Variants in ZNF518A observed in about 807,000 individuals in gnomAD.
The protein encoded by ZNF518A is zinc finger protein 518.
In ZNF518A, 47 loss-of-function variants were observed where a neutral mutation model predicts 102.7. That is an observed-to-expected ratio of 0.46 (90% CI 0.36 to 0.58). The LOEUF is 0.58. Ranked by LOEUF, ZNF518A falls within the 20% of genes least tolerant of loss-of-function variation. The probability of loss-of-function intolerance (pLI) is 0.00; values close to 1 mark genes in which losing one functional copy is unlikely to be tolerated. For missense variants in ZNF518A, 1,793 were observed against 1,699.8 expected, an observed-to-expected ratio of 1.05 and a Z score of -0.96; for synonymous variants, 652 against 594.6, an observed-to-expected ratio of 1.10 and a Z score of -1.40.
At chr10:96,146,007 T>C (rs782606546) in intron 3 of ZNF518A, among the ~76,000 whole-genome samples, 14 of 152,214 alleles carry the variant, frequency 9.2e-5, no homozygotes, top group Non-Finnish European at 1.9e-4. Context: ...GTATGTGTAT[T>C]CTTCTTGACT....
chr10:96,158,519 C>G lies in ZNF518A; in HGVS notation c.2197C>G (p.Leu733Val). ...AGGACAAAACATTGATGGACAAAAC[C>G]TGTACAGTAATGAAAATCAAAATTT... ...EKGQNIDGQNLYSNENQNLEC... is the reference protein window; with the variant it reads ...EKGQNIDGQNVYSNENQNLEC... The change falls in exon 6 of 6, where the codon CTG (leucine) becomes GTG (valine). Residue 733 changes from leucine to valine, a missense_variant. Transcript: ENST00000316045. 1 of 1,612,654 alleles carries G rather than the reference C, an allele frequency of 6.2e-7. No individual in the cohort carries two copies. Among genetic ancestry groups the G allele is most frequent in the Non-Finnish European group, 8.5e-7 (1 of 1,179,490 alleles).
chr10:96,192,050 T>G, intron 1 of ZNF518A: 1 of 1,613,736 alleles, frequency 6.2e-7, no homozygotes, highest in Non-Finnish European at 8.5e-7. Context: ...ACCAAAGGAC[T>G]ATGTTGATGA....
chr10:96,170,965 G>T (rs1591272536), intron 1 of ZNF518A, among the ~76,000 whole-genome samples: 1 of 151,600 alleles, frequency 6.6e-6, no homozygotes, highest in South Asian at 2.1e-4. Flanking sequence ...CACATGAAAA[G>T]ATGCGCAACA....
At chr10:96,187,415 A>T (rs587649851) in intron 1 of ZNF518A, among the ~76,000 whole-genome samples, 1 of 152,322 alleles carries the variant, frequency 6.6e-6, no homozygotes, top group South Asian at 2.1e-4. Flanking sequence ...TTTTAAGAAC[A>T]TGTCTCAGGT....
chr10:96,146,746 CCT>C (rs1554878667), intron 3 of ZNF518A, among the ~76,000 whole-genome samples: 1 of 152,212 alleles, frequency 6.6e-6, no homozygotes, highest in African/African-American at 2.4e-5. Flanking sequence ...GTCATATCCT[CCT>C]CTCTGCTCCT....
intron 1 of ZNF518A, among the ~76,000 whole-genome samples, chr10:96,201,659 G>T (rs1474356523): frequency 6.6e-6 from 1 of 152,156 alleles, no homozygotes; most frequent in East Asian, 1.9e-4. Context: ...TCTGAGAATT[G>T]CTGACTTCAG....
At chr10:96,186,036 G>A (rs902935913) in intron 1 of ZNF518A, among the ~76,000 whole-genome samples, 5 of 152,230 alleles carry the variant, frequency 3.3e-5, no homozygotes, top group African/African-American at 9.6e-5. Flanking sequence ...GCCAGGCGCC[G>A]GATATAATCT....
intron 1 of ZNF518A, among the ~76,000 whole-genome samples, chr10:96,198,404 G>A (rs1228282410): frequency 1.3e-5 from 2 of 152,166 alleles, no homozygotes; most frequent in Non-Finnish European, 1.5e-5. Context: ...TTAAATCTAC[G>A]TATTGAAAGG....
chr10:96,169,173 T>A (rs1554890669), intron 1 of ZNF518A, among the ~76,000 whole-genome samples: 2 of 150,040 alleles, frequency 1.3e-5, no homozygotes, highest in Non-Finnish European at 2.9e-5. Context: ...AGCTAACTTT[T>A]AAAAAAATTT....
At position 96,187,931 on chromosome 10, in the gene ZNF518A, C is replaced by T. The variant is rs587631048; in HGVS notation, n.36-15643C>T. On this transcript the variant is annotated intron_variant and non_coding_transcript_variant, in intron 1 of 2. Transcript: ENST00000442635. ...CATGATCTTGGCTCACTACAACCTC[C>T]GCCTCCCAGGTTCAAGTGATTCTCA... 7.9e-5 allele frequency among the ~76,000 whole-genome samples: 12 copies of T among 152,326 alleles called. 1 individual carries two copies. In the South Asian group the frequency reaches 1.4e-3, roughly 18 times the overall value.
rs782568683 is a variant in ZNF518A, at chr10:96,158,201, T to A, written c.1879T>A (p.Leu627Ile). ...NYCINYGNCELPVESSNQGSL... is the reference protein window; with the variant it reads ...NYCINYGNCEIPVESSNQGSL... ...TTGCATTAATTATGGCAACTGTGAGTTACCTGTTGAATCCTCCAACCAAGG... is the reference window on the plus strand; with the variant it reads ...TTGCATTAATTATGGCAACTGTGAGATACCTGTTGAATCCTCCAACCAAGG... Residue 627 changes from leucine to isoleucine, a missense_variant, in exon 6 of 6, where the codon TTA (leucine) becomes ATA (isoleucine). Around this residue, in one of 3 missense-constraint regions of ZNF518A, gnomAD observed 1,741 missense variants for 1,622.6 expected, o/e 1.07. Transcript: ENST00000316045. 1 of 1,613,692 alleles carries A rather than the reference T, an allele frequency of 6.2e-7. No individual in the cohort carries two copies. Among genetic ancestry groups the A allele is most frequent in the South Asian group, 1.1e-5 (1 of 91,062 alleles).
In ZNF518A at chr10:96,156,342, A is replaced by G; in HGVS notation, c.20A>G (p.Gln7Arg). Residue 7 changes from glutamine to arginine, a missense_variant, in exon 6 of 6, where the codon CAG (glutamine) becomes CGG (arginine). Transcript: ENST00000316045. ...TAAATCATGCCATCTGAACAGAAACAGTTATTTTGTGATGAAAAACAAACT... is the reference window on the plus strand; with the variant it reads ...TAAATCATGCCATCTGAACAGAAACGGTTATTTTGTGATGAAAAACAAACT... Reference protein sequence around the residue: MPSEQKQLFCDEKQTTL... With the variant: MPSEQKRLFCDEKQTTL... The G allele has an allele frequency of 6.3e-7, 1 of 1,578,760 alleles. No homozygotes were observed. The highest frequency in any genetic ancestry group is 1.2e-5 in the South Asian group (1 of 84,136).
intron 1 of ZNF518A, among the ~76,000 whole-genome samples, chr10:96,185,867 T>C (rs2083268979): frequency 6.6e-6 from 1 of 152,218 alleles, no homozygotes; most frequent in Non-Finnish European, 1.5e-5. Flanking sequence ...TGAGCTGCAG[T>C]GGGCTCCACC....
In ZNF518A at chr10:96,160,175, T is replaced by A; in HGVS notation, c.3853T>A (p.Tyr1285Asn). Residue 1285 changes from tyrosine (Y) to asparagine (N), a missense_variant, in exon 6 of 6, where the codon TAC (tyrosine) becomes AAC (asparagine). Around this residue, in one of 3 missense-constraint regions of ZNF518A, gnomAD observed 1,741 missense variants for 1,622.6 expected, o/e 1.07. Transcript: ENST00000316045. ...RNCKRKCRDS[Y>N]QEPPRRKATL... ...CTGTAAACGAAAGTGTAGGGATAGTTACCAAGAACCTCCAAGAAGAAAAGC... is the reference window on the plus strand; with the variant it reads ...CTGTAAACGAAAGTGTAGGGATAGTAACCAAGAACCTCCAAGAAGAAAAGC... 6.2e-7 allele frequency: 1 copy of A among 1,609,368 alleles called. No individual in the cohort carries two copies. The highest frequency in any genetic ancestry group is 8.5e-7 in the Non-Finnish European group (1 of 1,178,010).
chr10:96,173,491 A>G (rs1287265812), intron 1 of ZNF518A, among the ~76,000 whole-genome samples: 2 of 152,192 alleles, frequency 1.3e-5, no homozygotes, highest in African/African-American at 4.8e-5. Flanking sequence ...AGGGGATGAA[A>G]CAACAAGAAT....
chr10:96,191,310 T>C (rs1554893358), intron 1 of ZNF518A, among the ~76,000 whole-genome samples: 3 of 149,030 alleles, frequency 2.0e-5, no homozygotes, highest in Non-Finnish European at 4.4e-5. Context: ...AATGGACTAA[T>C]ACAAACCTCA....
intron 1 of ZNF518A, among the ~76,000 whole-genome samples, chr10:96,171,644 A>G (rs1355998817): frequency 6.6e-6 from 1 of 152,192 alleles, no homozygotes; most frequent in Non-Finnish European, 1.5e-5. Flanking sequence ...TGTACATTTT[A>G]TATGTGTGAA....
rs781981902 is a variant in ZNF518A at position 96,156,415 on chromosome 10, G to A, written c.93G>A (p.Ser31=). The change falls in exon 6 of 6, where the codon TCG becomes TCA. Residue 31 remains serine, a synonymous_variant. Coordinates refer to ENST00000316045, the MANE Select transcript of ZNF518A (RefSeq NM_001330736.2). ...YDVKNEIVDR[S]APKPKISGSI... ...TGAAAAATGAGATAGTTGATAGGTC[G>A]GCACCTAAACCAAAAATTTCAGGAA... 9 of 1,612,054 alleles carry A rather than the reference G, an allele frequency of 5.6e-6. No homozygotes were observed. Among genetic ancestry groups the A allele is most frequent in the African/African-American group, 4.0e-5 (3 of 74,746 alleles).
At chr10:96,142,684 A>G (rs2081993795) in intron 3 of ZNF518A, among the ~76,000 whole-genome samples, 2 of 152,136 alleles carry the variant, frequency 1.3e-5, no homozygotes, top group African/African-American at 2.4e-5. Flanking sequence ...ATTATTTTAG[A>G]AAGCAAATAT....
Sources: gnomAD v4.1 joint callset for allele counts (sites outside exome capture counted in the v4.1 genomes callset) on GRCh38, gnomAD v4.1.1 for gene constraint, gnomAD v4.1.1 regional missense constraint, MANE v1.5 for transcripts, NCBI Gene and HGNC (gene_info 2026-07-23, HGNC 2026-07-21) for gene names.